The following DMD variants were observed in gnomAD, a reference collection of about 807,000 sequenced individuals.
The protein encoded by DMD is dystrophin.
Under a neutral mutation model 330.1 loss-of-function variants are expected in DMD, and 63 were observed. That is an observed-to-expected ratio of 0.19 (90% CI 0.16 to 0.24). The LOEUF is 0.24. DMD is among the 10% of genes least tolerant of loss of function. The pLI is 1.00. For synonymous variants in DMD, 1,223 were observed against 959.8 expected (o/e 1.27, Z -5.07); for missense variants, 3,344 against 2,684.1 (o/e 1.25, Z -5.43).
intron 48 of DMD, among the ~76,000 whole-genome samples, chrX:31,849,247 C>T (rs1477139843): frequency 9.1e-6 from 1 of 110,349 alleles, no homozygotes; most frequent in Non-Finnish European, 1.9e-5. Flanking sequence ...TTTATTTGCT[C>T]ATTCGACAAA....
intron 9 of DMD, among the ~76,000 whole-genome samples, chrX:32,669,046 T>C (rs1046873826): frequency 9.0e-6 from 1 of 110,623 alleles, no homozygotes; most frequent in Admixed American, 9.7e-5. Context: ...TACCACAGAG[T>C]GTATCATCAA....
chrX:33,097,034 G>C (rs2095175889), intron 1 of DMD, among the ~76,000 whole-genome samples: 1 of 111,205 alleles, frequency 9.0e-6, no homozygotes, highest in African/African-American at 3.3e-5. Context: ...ATCGAGTTTG[G>C]TCTCAGTATA....
chrX:32,612,922 A>T (rs1046835481), intron 12 of DMD, among the ~76,000 whole-genome samples: 1 of 111,116 alleles, frequency 9.0e-6, no homozygotes, highest in Non-Finnish European at 1.9e-5. Context: ...CTTAAAAAAA[A>T]CTCTAGAACT....
At chrX:32,408,449 A>C (rs772735140) in intron 30 of DMD, among the ~76,000 whole-genome samples, 2 of 112,168 alleles carry the variant, frequency 1.8e-5, no homozygotes, top group Non-Finnish European at 3.8e-5. Context: ...TGGTTGTCAG[A>C]AAGTTGTACA....
At chrX:31,322,600 A>C (rs1048597257) in intron 62 of DMD, among the ~76,000 whole-genome samples, 2 of 112,014 alleles carry the variant, frequency 1.8e-5, no homozygotes, top group Admixed American at 9.5e-5. Context: ...CATTTTTCTG[A>C]GTTAACAAAA....
chrX:32,831,649 CGTGTGTGTGT>C lies in DMD; in HGVS notation c.265-8272_265-8263del, dbSNP rs6151283. ...GAGTTACATTCCTGTAAGATATTTACGTGTGTGTGTGTGTGTGTGTGTGTGTGTGTGTGTG... is the reference window on the plus strand; with the variant it reads ...GAGTTACATTCCTGTAAGATATTTACGTGTGTGTGTGTGTGTGTGTGTGTG... On this transcript the variant is annotated intron_variant, in intron 4 of 78. Transcript: ENST00000357033. Among the ~76,000 whole-genome samples the C allele has an allele frequency of 7.5e-3, 672 of 89,753 alleles. 6 individuals are homozygous for C. Among genetic ancestry groups the C allele is most frequent in the East Asian group, 0.025 (68 of 2,672 alleles). The allele number at this position is 89,753 out of a possible 115,157, so 77.9% of individuals were successfully genotyped here. A position where few individuals can be genotyped will look rare whatever the true frequency, so the allele number is the denominator to read the frequency against.
At chrX:33,297,363 GA>G (rs772458554) in intron 1 of DMD, among the ~76,000 whole-genome samples, 23 of 110,079 alleles carry the variant, frequency 2.1e-4, no homozygotes, top group African/African-American at 6.9e-4. Flanking sequence ...TGGAGAAAAG[GA>G]AACCCTCATG....
chrX:32,822,621 G>A (rs919858969), intron 5 of DMD, among the ~76,000 whole-genome samples: 4 of 108,867 alleles, frequency 3.7e-5, no homozygotes, highest in African/African-American at 1.3e-4. Context: ...ATAATGTGTG[G>A]ATATGAGTGT....
intron 11 of DMD, among the ~76,000 whole-genome samples, chrX:32,626,745 G>A (rs1212793001): frequency 9.6e-6 from 1 of 103,713 alleles, no homozygotes; most frequent in Non-Finnish European, 1.9e-5. Flanking sequence ...AACCAACATG[G>A]CACATGTATA....
At chrX:31,355,986 G>A (rs1474942186) in intron 60 of DMD, among the ~76,000 whole-genome samples, 2 of 111,585 alleles carry the variant, frequency 1.8e-5, no homozygotes, top group African/African-American at 6.5e-5. Context: ...CTGGAATGAA[G>A]TTTTGTGATA....
rs774529550 is a variant in DMD, at chrX:31,138,787, C to T, written c.10922-4593G>A. ...GGGGAAAACTTCTTCATGATCCAGT[C>T]ACCTCCCATCAGGTCCCTCCCCTGA... is the stretch of plus-strand genomic sequence containing the variant. On this transcript the variant is annotated intron_variant, in intron 76 of 78. Coordinates refer to ENST00000357033, the MANE Select transcript of DMD (RefSeq NM_004006.3). Among the ~76,000 whole-genome samples, 245 of 110,659 alleles carry T rather than the reference C, an allele frequency of 2.2e-3. 3 individuals carry two copies. The highest frequency in any genetic ancestry group is 7.7e-3 in the African/African-American group (233 of 30,260).
chrX:31,592,167 T>G (rs1283373327), intron 55 of DMD, among the ~76,000 whole-genome samples: 1 of 109,420 alleles, frequency 9.1e-6, no homozygotes, highest in East Asian at 2.8e-4. Flanking sequence ...ACTAGTCCAG[T>G]GCCCAACATA....
intron 1 of DMD, among the ~76,000 whole-genome samples, chrX:33,157,618 C>G (rs1405645994): frequency 8.9e-6 from 1 of 112,185 alleles, no homozygotes; most frequent in Non-Finnish European, 1.9e-5. Context: ...ACTTAGCAGA[C>G]AAACAAATAT....
intron 1 of DMD, among the ~76,000 whole-genome samples, chrX:33,307,440 C>T (rs1337456534): frequency 8.9e-6 from 1 of 112,263 alleles, no homozygotes; most frequent in African/African-American, 3.2e-5. Context: ...GCCTGTAATC[C>T]CAGAACTTTG....
At chrX:31,483,345 C>T (rs1158676790) in intron 57 of DMD, among the ~76,000 whole-genome samples, 3 of 111,476 alleles carry the variant, frequency 2.7e-5, no homozygotes, top group East Asian at 2.8e-4. Context: ...CACGCCCGGC[C>T]GGAAATGGAT....
intron 11 of DMD, among the ~76,000 whole-genome samples, chrX:32,641,747 C>G (rs1158816566): frequency 1.8e-5 from 2 of 110,797 alleles, no homozygotes; most frequent in Non-Finnish European, 3.8e-5. Flanking sequence ...AATCGCTAAA[C>G]CAAGGCTTAG....
intron 62 of DMD, among the ~76,000 whole-genome samples, chrX:31,314,742 C>CAGAGAGAGAGAGAGAGACAGAAAG (rs2055831517): frequency 5.4e-5 from 3 of 55,283 alleles, no homozygotes; most frequent in African/African-American, 2.5e-4. Flanking sequence ...AATACATACA[C>CAGAGAGAGAGAGAGAGACAGAAAG]AGAGAGAGAG....
intron 63 of DMD, among the ~76,000 whole-genome samples, chrX:31,237,846 A>T (rs1394399827): frequency 9.0e-6 from 1 of 110,809 alleles, no homozygotes; most frequent in Admixed American, 9.6e-5. Flanking sequence ...CAGCCTCCCA[A>T]GTAGCTGGTA....
At chrX:32,605,847 T>C (rs1272755037) in intron 12 of DMD, among the ~76,000 whole-genome samples, 1 of 110,016 alleles carries the variant, frequency 9.1e-6, no homozygotes, top group Admixed American at 9.7e-5. Flanking sequence ...CAAGGAGATA[T>C]GATCTCACAC....
Sources: allele counts gnomAD v4.1 joint callset (sites outside exome capture counted in the v4.1 genomes callset), GRCh38; gene constraint gnomAD v4.1.1; transcripts MANE v1.5; gene names NCBI Gene and HGNC (gene_info 2026-07-23, HGNC 2026-07-21).